ERICH1: variants seen among roughly 807,000 people sequenced by gnomAD.
ERICH1 encodes the protein glutamate-rich protein 1.
A neutral mutation model predicts 39.6 loss-of-function variants in ERICH1; 56 were observed. That is an observed-to-expected ratio of 1.41 (90% CI 1.14 to 1.77). The LOEUF (loss-of-function observed/expected upper bound fraction) is 1.77. Among genes scored for constraint, ERICH1 ranks in the 40% most tolerant of loss-of-function variants. The pLI is 0.00. For missense variants in ERICH1, 826 were observed against 575.4 expected (o/e 1.44, Z -4.45); for synonymous variants, 313 against 223.6 (o/e 1.40, Z -3.57).
intron 3 of ERICH1, among the ~76,000 whole-genome samples, chr8:622,980 A>AAATAAATAAATAAAT (rs1400485884): frequency 6.6e-6 from 1 of 151,720 alleles, no homozygotes. Context: ...ATAAATAAAT[A>AAATAAATAAATAAAT]AATAAAACAT....
intron 1 of ERICH1, 41 bp from the exon 2 acceptor site, chr8:716,048 T>C (rs376316660): frequency 1.3e-4 from 200 of 1,560,446 alleles, no homozygotes; most frequent in Non-Finnish European, 1.7e-4. Context: ...GGAAAAGGAA[T>C]GAATTATGCA....
At chr8:716,105 T>A (rs928149669) in intron 1 of ERICH1, 98 bp from the exon 2 acceptor site, 6 of 1,409,974 alleles carry the variant, frequency 4.3e-6, no homozygotes, top group Non-Finnish European at 5.6e-6. Flanking sequence ...AACACACACA[T>A]CCTGAAAGCA....
intron 5 of ERICH1, 131 bp from the exon 6 acceptor site, chr8:664,807 G>T: frequency 3.1e-6 from 2 of 643,828 alleles, no homozygotes; most frequent in Non-Finnish European, 5.2e-6. Context: ...TGCAACTTTG[G>T]CATGAAACTG....
At chr8:720,873 A>C (rs796328211) in intron 1 of ERICH1, among the ~76,000 whole-genome samples, 1 of 152,182 alleles carries the variant, frequency 6.6e-6, no homozygotes, top group South Asian at 2.1e-4. Flanking sequence ...CGCTGGAATG[A>C]GCCTGAAGCC....
intron 3 of ERICH1, among the ~76,000 whole-genome samples, chr8:632,628 G>A (rs891281339): frequency 2.0e-5 from 3 of 152,164 alleles, no homozygotes; most frequent in Non-Finnish European, 4.4e-5. Context: ...AAAGAAAGGG[G>A]CAGACGTTAT....
At chr8:707,816 A>G (rs1184270906) in intron 2 of ERICH1, among the ~76,000 whole-genome samples, 1 of 152,224 alleles carries the variant, frequency 6.6e-6, no homozygotes, top group Non-Finnish European at 1.5e-5. Flanking sequence ...AAAATTAAAA[A>G]CTTTGGGGCT....
intron 3 of ERICH1, among the ~76,000 whole-genome samples, chr8:688,360 C>T (rs1416228582): frequency 5.0e-5 from 6 of 120,042 alleles, no homozygotes; most frequent in East Asian, 3.4e-4. Flanking sequence ...AGCCCCACCT[C>T]GGCCCCGCCC....
intron 2 of ERICH1, among the ~76,000 whole-genome samples, chr8:705,562 T>G (rs7005217): frequency 0.59 from 90,069 of 151,988 alleles, 27,363 homozygotes; most frequent in East Asian, 0.92. Flanking sequence ...AACCCACAGC[T>G]AACATCATAC....
Position 673,569 on chromosome 8 carries a change from G to C in ERICH1, c.783C>G (p.Ala261=). ...TGGCGTCTTTAACGTCTTCCTCCCC[G>C]GCCGGTGTCGGATCTTCCTCACTGG... ...ADASEEDPTP[A]GEEDVKDARE... Residue 261 remains alanine (A), a synonymous_variant, in exon 4 of 6, where the codon GCC becomes GCG. Transcript: ENST00000262109. 6.5e-7 allele frequency: 1 copy of C among 1,550,188 alleles called. No homozygotes were observed. The highest frequency in any genetic ancestry group is 8.8e-7 in the Non-Finnish European group (1 of 1,131,034).
At chr8:630,974 A>C (rs1797997560) in intron 3 of ERICH1, among the ~76,000 whole-genome samples, 1 of 150,398 alleles carries the variant, frequency 6.6e-6, no homozygotes, top group Non-Finnish European at 1.5e-5. Flanking sequence ...CCACATGGAC[A>C]GAGCTGACTC....
At chr8:639,071 A>T (rs527469008) in intron 3 of ERICH1, among the ~76,000 whole-genome samples, 2 of 152,324 alleles carry the variant, frequency 1.3e-5, no homozygotes, top group South Asian at 4.1e-4. Context: ...ACCACGGTCC[A>T]TGCTGCTGAG....
chr8:705,500 A>G (rs1036972182), intron 2 of ERICH1, among the ~76,000 whole-genome samples: 3 of 152,226 alleles, frequency 2.0e-5, no homozygotes, highest in African/African-American at 4.8e-5. Context: ...AAAAAAATCA[A>G]TAAACTGGGC....
Position 658,871 on chromosome 8 carries a change from T to C in ERICH1, c.976+9727A>G, listed in dbSNP as rs140920227. Among the ~76,000 whole-genome samples, 248 of 152,320 alleles carry C rather than the reference T, an allele frequency of 1.6e-3. 1 individual carries two copies. The highest frequency in any genetic ancestry group is 5.1e-3 in the African/African-American group (211 of 41,576). On this transcript the variant is annotated intron_variant, in intron 3 of 3. Coordinates refer to the ERICH1 transcript ENST00000522706. ...CCCGAGCTGGCTCCTCCCCAATTCCTCCCTGGCCGTCCTTCCTCTGCCTTT... is the reference window on the plus strand; with the variant it reads ...CCCGAGCTGGCTCCTCCCCAATTCCCCCCTGGCCGTCCTTCCTCTGCCTTT...
At chr8:637,332 C>T (rs915575926) in intron 3 of ERICH1, among the ~76,000 whole-genome samples, 7 of 152,366 alleles carry the variant, frequency 4.6e-5, no homozygotes, top group African/African-American at 1.7e-4. Flanking sequence ...GTAAAAGCCA[C>T]AGCTGTGCCT....
chr8:702,802 G>A (rs913604563), intron 2 of ERICH1, among the ~76,000 whole-genome samples: 1 of 152,242 alleles, frequency 6.6e-6, no homozygotes, highest in African/African-American at 2.4e-5. Flanking sequence ...GATGGACGCA[G>A]AGGGGCAGGG....
chr8:626,027 T>A (rs1198404322), intron 3 of ERICH1: 1 of 152,220 alleles, frequency 6.6e-6, no homozygotes, highest in African/African-American at 2.4e-5. Flanking sequence ...AAAATATACT[T>A]CACACTTCAC....
At chr8:627,361 A>G in intron 3 of ERICH1, 1 of 382,712 alleles carries the variant, frequency 2.6e-6, no homozygotes, top group East Asian at 7.4e-5. Flanking sequence ...CCTGGACAGG[A>G]AAAGTCTGCA....
chr8:683,400 G>A (rs1041393389), intron 3 of ERICH1, among the ~76,000 whole-genome samples: 3 of 152,220 alleles, frequency 2.0e-5, no homozygotes, highest in Admixed American at 6.5e-5. Context: ...CCTGTGAGAC[G>A]GGGAGCACCC....
intron 5 of ERICH1, 150 bp downstream of exon 5, chr8:668,448 G>A (rs755908330): frequency 2.8e-6 from 2 of 709,694 alleles, no homozygotes; most frequent in South Asian, 1.8e-5. Context: ...CAGGAAGCCT[G>A]TTTCTCTCTG....
Sources: gnomAD v4.1 joint callset for allele counts (sites outside exome capture counted in the v4.1 genomes callset) on GRCh38, gnomAD v4.1.1 for gene constraint, MANE v1.5 for transcripts, NCBI Gene and HGNC (gene_info 2026-07-23, HGNC 2026-07-21) for gene names.